Variants in TRPM6 observed in about 807,000 individuals in gnomAD.
TRPM6 encodes the protein channel kinase 2.
A neutral mutation model predicts 247.6 loss-of-function variants in TRPM6; 111 were observed. The observed-to-expected ratio is 0.45, with a 90% CI of 0.38 to 0.52. The LOEUF is 0.52. TRPM6 is among the 20% of genes least tolerant of loss of function. The probability of loss-of-function intolerance (pLI) is 0.00; values close to 1 mark genes in which losing one functional copy is unlikely to be tolerated. For missense variants in TRPM6, 2,126 were observed against 2,421.5 expected (o/e 0.88, Z 2.56); for synonymous variants, 892 against 853.8 (o/e 1.04, Z -0.78).
chr9:74,735,308 C>T (rs1396887997), intron 36 of TRPM6, among the ~76,000 whole-genome samples: 2 of 151,880 alleles, frequency 1.3e-5, no homozygotes, highest in Admixed American at 6.6e-5. Flanking sequence ...AAGAGCAGCC[C>T]CAAGTACCAA....
At chr9:74,738,337 C>T in intron 36 of TRPM6, 70 bp downstream of exon 36, 1 of 1,543,180 alleles carries the variant, frequency 6.5e-7, no homozygotes. Flanking sequence ...TATTACCCAT[C>T]CTGGTTCTTG....
chr9:74,776,143 T>G, intron 23 of TRPM6, 67 bp from the exon 24 acceptor site: 1 of 1,389,008 alleles, frequency 7.2e-7, no homozygotes, highest in African/African-American at 1.4e-5. Flanking sequence ...AGAGTCTATA[T>G]TTTCCAACAT....
chr9:74,722,578 G>A lies in TRPM6; in HGVS notation c.*2035C>T, dbSNP rs1393070447. ...ACCAATGAACTGATGTCTTTAGTTT[G>A]GCAATTGGGCAAGCAAACTCTGCCT... On this transcript the variant is annotated 3_prime_UTR_variant, in exon 39 of 39. Coordinates refer to ENST00000360774, the MANE Select transcript of TRPM6 (RefSeq NM_017662.5). 1 of 152,202 alleles carries A rather than the reference G, an allele frequency of 6.6e-6. No homozygotes were observed. Among genetic ancestry groups the A allele is most frequent in the East Asian group, 1.9e-4 (1 of 5,200 alleles). The allele number at this position is 152,202 out of a possible 1,614,324, so 9.4% of individuals were successfully genotyped here. A position where few individuals can be genotyped will look rare whatever the true frequency, so the allele number is the denominator to read the frequency against.
intron 37 of TRPM6, among the ~76,000 whole-genome samples, chr9:74,728,587 C>T (rs1189609261): frequency 1.3e-5 from 2 of 152,174 alleles, no homozygotes; most frequent in East Asian, 1.9e-4. Context: ...CATTTCAACG[C>T]TAATCTGATA....
chr9:74,887,398 G>T, intron 1 of TRPM6: 2 of 1,341,004 alleles, frequency 1.5e-6, no homozygotes, highest in Non-Finnish European at 2.0e-6. Context: ...GCCCGTGGCA[G>T]CTCAAAACGC....
intron 21 of TRPM6, among the ~76,000 whole-genome samples, chr9:74,785,007 A>C (rs1331510723): frequency 6.6e-6 from 1 of 152,088 alleles, no homozygotes; most frequent in Non-Finnish European, 1.5e-5. Flanking sequence ...CCAGTTACTC[A>C]GGTGGTTGAG....
intron 23 of TRPM6, among the ~76,000 whole-genome samples, chr9:74,776,932 C>G (rs74974972): frequency 0.027 from 4,107 of 152,134 alleles, 177 homozygotes; most frequent in African/African-American, 0.091. Flanking sequence ...AGGAAGGCAG[C>G]CAAATTTAGC....
intron 3 of TRPM6, among the ~76,000 whole-genome samples, chr9:74,846,530 G>C (rs189828859): frequency 6.6e-6 from 1 of 151,948 alleles, no homozygotes. Context: ...TTTTCTTATC[G>C]ATATTTTAGA....
intron 33 of TRPM6, 117 bp downstream of exon 33, chr9:74,742,444 C>T (rs1452070409): frequency 4.1e-5 from 39 of 955,250 alleles, no homozygotes; most frequent in Non-Finnish European, 1.6e-6. Context: ...CACTAAACTA[C>T]AACTATCAAC....
chr9:74,743,973 A>T (rs1449377587), intron 32 of TRPM6, 122 bp downstream of exon 32: 11 of 959,732 alleles, frequency 1.1e-5, no homozygotes, highest in Non-Finnish European at 1.8e-5. Flanking sequence ...ATCAAAGTGA[A>T]CAATAACTTT....
intron 1 of TRPM6, among the ~76,000 whole-genome samples, chr9:74,874,757 GTA>G (rs1243850169): frequency 7.1e-6 from 1 of 141,410 alleles, no homozygotes; most frequent in African/African-American, 2.6e-5. Flanking sequence ...TTTTGTAATT[GTA>G]TTTTTTTTTT....
In TRPM6 at chr9:74,785,769, C is replaced by A. The variant is rs968306990; in HGVS notation, c.2919+105G>T. ...TGATCTCCTGACCTTGTGATCCGCC[C>A]GCCTTGGCCTCCCAAAGTGCTGGGA... is the stretch of plus-strand genomic sequence containing the variant. On this transcript the variant is annotated intron_variant, in intron 21 of 38. Coordinates refer to ENST00000360774, the MANE Select transcript of TRPM6 (RefSeq NM_017662.5). The A allele has an allele frequency of 1.2e-5, 15 of 1,281,262 alleles. No individual in the cohort carries two copies. The Admixed American group carries it at 1.5e-4, about 13-fold the overall frequency. The allele number at this position is 1,281,262 out of a possible 1,614,324, so 79.4% of individuals were successfully genotyped here.
At chr9:74,825,486 T>C (rs1185404874) in intron 7 of TRPM6, among the ~76,000 whole-genome samples, 2 of 149,858 alleles carry the variant, frequency 1.3e-5, no homozygotes, top group Non-Finnish European at 3.0e-5. Context: ...TGTGTGTGTA[T>C]GTGTGTGTGT....
intron 1 of TRPM6, among the ~76,000 whole-genome samples, chr9:74,867,807 A>C (rs907411190): frequency 4.6e-5 from 7 of 152,108 alleles, no homozygotes; most frequent in Non-Finnish European, 8.8e-5. Flanking sequence ...AAACAAATGA[A>C]AAGAAAAATT....
At chr9:74,809,518 G>C (rs1486542590) in intron 13 of TRPM6, among the ~76,000 whole-genome samples, 2 of 152,018 alleles carry the variant, frequency 1.3e-5, no homozygotes, top group Non-Finnish European at 2.9e-5. Flanking sequence ...AATGCCAAAA[G>C]TAATGCTCTT....
rs191109814 is a variant in TRPM6, at chr9:74,843,662, A to G, written c.153-1319T>C. ...TCTCTACTAAAAAATACAAAAAAAAAAAATTAGCCGGGCATGGTGGCAGGC... is the reference window on the plus strand; with the variant it reads ...TCTCTACTAAAAAATACAAAAAAAAGAAATTAGCCGGGCATGGTGGCAGGC... On this transcript the variant is annotated intron_variant, in intron 3 of 38. Transcript: ENST00000360774. Among the ~76,000 whole-genome samples the G allele has an allele frequency of 2.8e-3, 420 of 151,940 alleles. 1 individual carries two copies. Among genetic ancestry groups the G allele is most frequent in the Non-Finnish European group, 4.8e-3 (326 of 67,942 alleles).
intron 27 of TRPM6, 141 bp from the exon 28 acceptor site, chr9:74,755,614 T>C (rs1826407018): frequency 9.5e-7 from 1 of 1,054,476 alleles, no homozygotes; most frequent in African/African-American, 1.6e-5. Context: ...TGCTGACAAA[T>C]CCCATCACTT....
At chr9:74,745,763 G>C (rs1375254853) in intron 31 of TRPM6, among the ~76,000 whole-genome samples, 1 of 152,220 alleles carries the variant, frequency 6.6e-6, no homozygotes, top group Non-Finnish European at 1.5e-5. Flanking sequence ...AAGCAGAACA[G>C]AGTATTGTAG....
At chr9:74,799,493 T>C (rs1186162153) in intron 17 of TRPM6, among the ~76,000 whole-genome samples, 1 of 151,812 alleles carries the variant, frequency 6.6e-6, no homozygotes, top group Non-Finnish European at 1.5e-5. Flanking sequence ...ACAAATGTAT[T>C]GGAGGGCAGC....
Sources: allele counts gnomAD v4.1 joint callset (sites outside exome capture counted in the v4.1 genomes callset), GRCh38; gene constraint gnomAD v4.1.1; transcripts MANE v1.5; gene names NCBI Gene and HGNC (gene_info 2026-07-23, HGNC 2026-07-21).